The following ARHGEF17 variants were observed in gnomAD, a reference collection of about 807,000 sequenced individuals.
The protein encoded by ARHGEF17 is Rho guanine nucleotide exchange factor 17.
A neutral mutation model predicts 174.0 loss-of-function variants in ARHGEF17; 80 were observed. The observed-to-expected ratio is 0.46, with a 90% CI of 0.38 to 0.55. The LOEUF (loss-of-function observed/expected upper bound fraction) is 0.55. ARHGEF17 is among the 20% of genes least tolerant of loss of function. The pLI is 0.00. For synonymous variants in ARHGEF17, 1,311 were observed against 1,189.1 expected (o/e 1.10, Z -2.11); for missense variants, 2,886 against 2,839.7 (o/e 1.02, Z -0.37).
intron 9 of ARHGEF17, among the ~76,000 whole-genome samples, chr11:73,357,739 C>T (rs1865669565): frequency 6.6e-6 from 1 of 152,374 alleles, no homozygotes; most frequent in East Asian, 1.9e-4. Flanking sequence ...TTGATTGGAG[C>T]CATCCATGTT....
At chr11:73,318,248 C>A (rs1176872027) in intron 1 of ARHGEF17, among the ~76,000 whole-genome samples, 1 of 152,118 alleles carries the variant, frequency 6.6e-6, no homozygotes, top group Non-Finnish European at 1.5e-5. Context: ...ATCCCCCCCA[C>A]CCCCAGATAG....
At chr11:73,314,136 G>C (rs1864889596) in intron 1 of ARHGEF17, among the ~76,000 whole-genome samples, 1 of 152,210 alleles carries the variant, frequency 6.6e-6, no homozygotes, top group Non-Finnish European at 1.5e-5. Flanking sequence ...CCCAGAATAT[G>C]GGGAGCAGCT....
rs374968534 is a variant in ARHGEF17, at chr11:73,356,258, G to A, written c.3747G>A (p.Glu1249=). Residue 1249 remains glutamate (E), a synonymous_variant, in exon 6 of 21, where the codon GAG becomes GAA. Coordinates refer to ENST00000263674, the MANE Select transcript of ARHGEF17 (RefSeq NM_014786.4). ...EAQRNIKQVA[E]RINKGVRSAE... is the part of the protein sequence containing the mutation. ...AGCGGAACATCAAGCAGGTGGCTGA[G>A]CGCATCAACAAGGGTGTGCGGAGTG... 3.2e-5 allele frequency: 51 copies of A among 1,613,794 alleles called. No individual in the cohort carries two copies. The highest frequency in any genetic ancestry group is 5.0e-5 in the Admixed American group (3 of 60,004).
intron 3 of ARHGEF17, among the ~76,000 whole-genome samples, chr11:73,353,909 G>C (rs1221986167): frequency 6.6e-6 from 1 of 152,134 alleles, no homozygotes; most frequent in East Asian, 1.9e-4. Context: ...AAAACTTCCA[G>C]TTCCATTTTA....
Position 73,309,357 on chromosome 11 carries a change from ATCCTGTCAGCCGCAG to A in ARHGEF17, c.722_736del (p.Pro241_Ser245del). On this transcript the variant is annotated inframe_deletion, in exon 1 of 21. Transcript: ENST00000263674. ...TCCTCCTCCTCCATCGCCGCCTCCT[ATCCTGTCAGCCGCAG>A]TCGTGCTGCCAGCTCCAGCGAGGAG... The A allele has an allele frequency of 6.2e-7, 1 of 1,604,782 alleles. No homozygotes were observed. Among genetic ancestry groups the A allele is most frequent in the Non-Finnish European group, 8.5e-7 (1 of 1,176,486 alleles).
At position 73,310,095 on chromosome 11, in the gene ARHGEF17, G is replaced by A. The variant is rs773520989; in HGVS notation, c.1457G>A (p.Arg486Lys). 23 of 1,614,064 alleles carry A rather than the reference G, an allele frequency of 1.4e-5. No homozygotes were observed. Among genetic ancestry groups the A allele is most frequent in the African/African-American group, 2.7e-5 (2 of 74,924 alleles). The change falls in exon 1 of 21, where the codon AGG becomes AAG. Residue 486 changes from arginine (R) to lysine (K), a missense_variant. Physicochemically the swap from Arg to Lys is conservative, Grantham distance 26. Around this residue, in one of 4 missense-constraint regions of ARHGEF17, gnomAD observed 1,728 missense variants for 1,461.2 expected, o/e 1.18. Transcript: ENST00000263674. The stretch of plus-strand genomic sequence containing the variant: ...CTGCGCTCAGACCTTTCAGAGCTGA[G>A]GGTCCGAAAACCTGGTGGGAGCTCC... ...SFLRSDLSEL[R>K]VRKPGGSSGD...
Position 73,322,061 on chromosome 11 carries a change from G to A in ARHGEF17, c.3192+10231G>A, listed in dbSNP as rs544495881. On this transcript the variant is annotated intron_variant, in intron 1 of 20. Transcript: ENST00000263674. ...CTGGGACCCCACTCCCCAACCTCCT[G>A]GACAAACATTCAGTCCTTTCCCAGG... 6.6e-5 allele frequency among the ~76,000 whole-genome samples: 10 copies of A among 152,330 alleles called. No individual in the cohort carries two copies. The East Asian group carries it at 1.5e-3, about 24-fold the overall frequency.
chr11:73,334,826 C>T (rs924150155), intron 1 of ARHGEF17, among the ~76,000 whole-genome samples: 1 of 152,112 alleles, frequency 6.6e-6, no homozygotes, highest in African/African-American at 2.4e-5. Context: ...GGATAACTTC[C>T]GTTCCCACGA....
chr11:73,367,366 T>C (rs1361978348), intron 20 of ARHGEF17, among the ~76,000 whole-genome samples: 1 of 152,202 alleles, frequency 6.6e-6, no homozygotes, highest in Non-Finnish European at 1.5e-5. Context: ...ATTATGTGAC[T>C]CCTGACTAGA....
At position 73,365,170 on chromosome 11, in the gene ARHGEF17, C is replaced by T. The variant is rs1865813552; in HGVS notation, c.5551-220C>T. The T allele has an allele frequency of 1.9e-5, 11 of 586,316 alleles. No individual in the cohort carries two copies. The South Asian group carries it at 2.3e-4, about 12-fold the overall frequency. 36.3% of individuals were successfully genotyped at this position (586,316 alleles called of 1,614,324 possible). On this transcript the variant is annotated intron_variant, in intron 18 of 20. Transcript: ENST00000263674. This position sits in a 1 kb window ranked among gnomAD's most constrained non-coding sequence, Gnocchi z 4.9. ...CCTTTAAGCATTGAAGTTCTCTGAT[C>T]CTTAAATCACTCAAGTTTAATGGGG...
In ARHGEF17 at chr11:73,310,235, A is replaced by G. The variant is rs762373548; in HGVS notation, c.1597A>G (p.Thr533Ala). Residue 533 changes from threonine (T) to alanine (A), a missense_variant, in exon 1 of 21, where the codon ACA (threonine) becomes GCA (alanine). By Grantham distance (58) the Thr-to-Ala change is moderately conservative (BLOSUM62 0). Around this residue, in one of 4 missense-constraint regions of ARHGEF17, gnomAD observed 1,728 missense variants for 1,461.2 expected, o/e 1.18. Transcript: ENST00000263674. The stretch of plus-strand genomic sequence containing the variant: ...CCCAGCATCACCTGGCACGCGCCCC[A>G]CACTCAAGGACTTGACAGCCACTCT... ...PAPASPGTRP[T>A]LKDLTATLRR... 1 of 1,613,984 alleles carries G rather than the reference A, an allele frequency of 6.2e-7. No homozygotes were observed. The highest frequency in any genetic ancestry group is 8.5e-7 in the Non-Finnish European group (1 of 1,180,028).
At position 73,363,466 on chromosome 11, in the gene ARHGEF17, G is replaced by T; in HGVS notation, c.5246+11G>T. On this transcript the variant is annotated intron_variant, in intron 15 of 20. Transcript: ENST00000263674. ...CACTGAGGATGGCTGGTAGGGACAG[G>T]GGAGGGACTAGGGACACAGTGCCAG... 6.2e-7 allele frequency: 1 copy of T among 1,608,498 alleles called. No individual in the cohort carries two copies.
At position 73,311,409 on chromosome 11, in the gene ARHGEF17, A is replaced by T. The variant is rs762575728; in HGVS notation, c.2771A>T (p.Lys924Met). Residue 924 changes from lysine to methionine, a missense_variant, in exon 1 of 21, where the codon AAG becomes ATG. Physicochemically the swap from Lys to Met is moderately conservative, Grantham distance 95. This residue lies in a region of ARHGEF17 where 1,728 missense variants were observed against 1,461.2 expected (regional missense o/e 1.18). Coordinates refer to ENST00000263674, the MANE Select transcript of ARHGEF17 (RefSeq NM_014786.4). ...SPRLIRRGSK[K>M]RPARSSHQEL... ...AGGCTAATCCGCCGAGGCTCCAAGA[A>T]GCGCCCAGCTCGGAGTAGTCACCAG... 6.2e-7 allele frequency: 1 copy of T among 1,613,298 alleles called. No homozygotes were observed.
intron 1 of ARHGEF17, among the ~76,000 whole-genome samples, chr11:73,336,872 G>A (rs967912916): frequency 5.3e-5 from 8 of 152,328 alleles, no homozygotes; most frequent in African/African-American, 1.7e-4. Context: ...ACCTCATCTG[G>A]CCTGTCAGCT....
intron 2 of ARHGEF17, among the ~76,000 whole-genome samples, chr11:73,350,840 A>G (rs1032313763): frequency 2.1e-4 from 32 of 152,242 alleles, no homozygotes; most frequent in African/African-American, 6.7e-4. Flanking sequence ...ACCATGCTGT[A>G]TAGTAATTTA....
chr11:73,353,272 C>A, intron 3 of ARHGEF17: 1 of 544,190 alleles, frequency 1.8e-6, no homozygotes. Context: ...ATCCTGGACC[C>A]TACCCCGCTC....
chr11:73,327,200 C>G (rs1485255268), intron 1 of ARHGEF17, among the ~76,000 whole-genome samples: 1 of 152,194 alleles, frequency 6.6e-6, no homozygotes, highest in Non-Finnish European at 1.5e-5. Context: ...CCTGCCTGCC[C>G]CCTGCTGACA....
chr11:73,324,871 A>G (rs1865076209), intron 1 of ARHGEF17, among the ~76,000 whole-genome samples: 1 of 152,216 alleles, frequency 6.6e-6, no homozygotes, highest in Non-Finnish European at 1.5e-5. Context: ...GTTGCACTTG[A>G]GAGGCCCTTG....
At position 73,348,927 on chromosome 11, in the gene ARHGEF17, C is replaced by T. The variant is rs375055158; in HGVS notation, c.3270+1967C>T. On this transcript the variant is annotated intron_variant, in intron 2 of 20. Coordinates refer to ENST00000263674, the MANE Select transcript of ARHGEF17 (RefSeq NM_014786.4). ...TGAGACCTGAAGGGTGAGTAGATTTCAGCAGAAAGAGCCCGGAGGGATGGC... is the reference window on the plus strand; with the variant it reads ...TGAGACCTGAAGGGTGAGTAGATTTTAGCAGAAAGAGCCCGGAGGGATGGC... Among the ~76,000 whole-genome samples, 6 of 152,208 alleles carry T rather than the reference C, an allele frequency of 3.9e-5. No homozygotes were observed. The East Asian group carries it at 1.2e-3, about 29-fold the overall frequency.
Sources: allele counts gnomAD v4.1 joint callset (sites outside exome capture counted in the v4.1 genomes callset), GRCh38; gene constraint gnomAD v4.1.1; regional missense constraint gnomAD v4.1.1; non-coding constraint Gnocchi (gnomAD v3.1); transcripts MANE v1.5; gene names NCBI Gene and HGNC (gene_info 2026-07-23, HGNC 2026-07-21).